The following SMCHD1 variants were observed in gnomAD, a reference collection of about 807,000 sequenced individuals.
SMCHD1 encodes the protein structural maintenance of chromosomes flexible hinge domain containing 1.
Under a neutral mutation model 254.7 loss-of-function variants are expected in SMCHD1, and 78 were observed. That is an observed-to-expected ratio of 0.31 (90% CI 0.26 to 0.37). The LOEUF (loss-of-function observed/expected upper bound fraction) is 0.37, where lower values mean the gene tolerates loss of function less well. SMCHD1 is among the 10% of genes least tolerant of loss of function. The pLI is 1.00. For missense variants in SMCHD1, 1,840 were observed against 2,408.1 expected (o/e 0.76, Z 4.94); for synonymous variants, 766 against 794.9 (o/e 0.96, Z 0.61).
chr18:2,785,275 AAC>A (rs1289624769), intron 45 of SMCHD1, among the ~76,000 whole-genome samples: 1 of 152,220 alleles, frequency 6.6e-6, no homozygotes, highest in African/African-American at 2.4e-5. Flanking sequence ...CTACTTTCCT[AAC>A]ACAGAGCAGT....
intron 17 of SMCHD1, among the ~76,000 whole-genome samples, chr18:2,708,907 T>TATATATATAA (rs769432583): frequency 0.036 from 1,588 of 44,602 alleles, 351 homozygotes; most frequent in East Asian, 0.059. Flanking sequence ...TATATATATA[T>TATATATATAA]AACATATTAA....
rs556907581 is a variant in SMCHD1, at chr18:2,714,537, T to G, written c.2261-3621T>G. On this transcript the variant is annotated intron_variant, in intron 17 of 47. Coordinates refer to ENST00000320876, the MANE Select transcript of SMCHD1 (RefSeq NM_015295.3). ...TGTTGTTATCTAGTTGCTTTGTAGA[T>G]CCTTTCTTTTTTTCCCTCCTTTCTG... Among the ~76,000 whole-genome samples the G allele has an allele frequency of 5.9e-5, 9 of 152,226 alleles. No individual in the cohort carries two copies. The East Asian group carries it at 1.7e-3, about 29-fold the overall frequency.
chr18:2,670,940 CTT>C (rs1235079896), intron 3 of SMCHD1, among the ~76,000 whole-genome samples: 9 of 124,454 alleles, frequency 7.2e-5, no homozygotes, highest in Admixed American at 1.6e-4. Context: ...TCTTTTAATT[CTT>C]TTTTTTTTTT....
intron 5 of SMCHD1, among the ~76,000 whole-genome samples, chr18:2,678,662 T>G (rs1411333550): frequency 6.6e-6 from 1 of 152,058 alleles, no homozygotes; most frequent in African/African-American, 2.4e-5. Flanking sequence ...ATTTTCTGTT[T>G]ATTTCTTCAT....
chr18:2,722,014 C>A, intron 19 of SMCHD1, among the ~76,000 whole-genome samples: 1 of 152,112 alleles, frequency 6.6e-6, no homozygotes, highest in East Asian at 1.9e-4. Context: ...TTGAGAACAG[C>A]CAATTTATAG....
At chr18:2,660,271 G>C (rs1306201288) in intron 1 of SMCHD1, among the ~76,000 whole-genome samples, 2 of 152,088 alleles carry the variant, frequency 1.3e-5, no homozygotes, top group Non-Finnish European at 2.9e-5. Context: ...GTTGCAGCGA[G>C]CTGAGAACGC....
intron 7 of SMCHD1, among the ~76,000 whole-genome samples, chr18:2,693,797 A>G (rs1289443138): frequency 2.0e-5 from 3 of 151,970 alleles, no homozygotes; most frequent in Non-Finnish European, 4.4e-5. Flanking sequence ...ACGCCTGGCT[A>G]CTTTTGTATT....
chr18:2,695,680 G>C (rs888112618), intron 8 of SMCHD1, among the ~76,000 whole-genome samples: 1 of 152,006 alleles, frequency 6.6e-6, no homozygotes, highest in Admixed American at 6.6e-5. Context: ...GCATTAGTAT[G>C]AATTACTGAG....
Position 2,787,833 on chromosome 18 carries a change from G to T in SMCHD1, c.5719+3212G>T, listed in dbSNP as rs554016300. 1.8e-3 allele frequency among the ~76,000 whole-genome samples: 274 copies of T among 152,300 alleles called. 1 individual carries two copies. The highest frequency in any genetic ancestry group is 3.3e-3 in the Non-Finnish European group (225 of 68,020). On this transcript the variant is annotated intron_variant, in intron 45 of 47. Transcript: ENST00000320876. Reference sequence around the variant, plus strand: ...TTTGATTGTAAGCAATAGCAGCCATGCATGACTACTTTAAGCCAAACAGGA... The same window carrying T: ...TTTGATTGTAAGCAATAGCAGCCATTCATGACTACTTTAAGCCAAACAGGA...
At chr18:2,704,683 A>G (rs954508584) in intron 13 of SMCHD1, among the ~76,000 whole-genome samples, 4 of 151,786 alleles carry the variant, frequency 2.6e-5, no homozygotes, top group African/African-American at 9.7e-5. Flanking sequence ...TTGGAAAAGA[A>G]GTAACATTTG....
At chr18:2,794,252 C>T (rs1163509692) in intron 45 of SMCHD1, among the ~76,000 whole-genome samples, 2 of 152,130 alleles carry the variant, frequency 1.3e-5, no homozygotes, top group Non-Finnish European at 2.9e-5. Flanking sequence ...CCCAGGAGTT[C>T]AAGACCAGCC....
intron 45 of SMCHD1, among the ~76,000 whole-genome samples, chr18:2,795,492 GTTACAC>G (rs2076246802): frequency 6.6e-6 from 1 of 152,160 alleles, no homozygotes; most frequent in South Asian, 2.1e-4. Flanking sequence ...CTCACTGTCA[GTTACAC>G]TTACACATCT....
chr18:2,700,648 A>G lies in SMCHD1; in HGVS notation c.1452A>G (p.Thr484=). 1 of 1,607,578 alleles carries G rather than the reference A, an allele frequency of 6.2e-7. No homozygotes were observed. Among genetic ancestry groups the G allele is most frequent in the Non-Finnish European group, 8.5e-7 (1 of 1,177,366 alleles). ...GGAATGGACGATTAATACCATATAC[A>G]TCAGTTGAAGAGTAAGTTTGATTTT... The part of the protein sequence containing the change: ...CFWNGRLIPY[T]SVEDFDWCTP... The change falls in exon 11 of 48, where the codon ACA becomes ACG. Residue 484 remains threonine (T), a synonymous_variant. Transcript: ENST00000320876.
At position 2,687,558 on chromosome 18, in the gene SMCHD1, G is replaced by T. The variant is rs141674095; in HGVS notation, c.639-836G>T. Among the ~76,000 whole-genome samples, 6 of 152,014 alleles carry T rather than the reference G, an allele frequency of 3.9e-5. No homozygotes were observed. In the East Asian group the frequency reaches 1.2e-3, roughly 29 times the overall value. On this transcript the variant is annotated intron_variant, in intron 5 of 47. Transcript: ENST00000320876. ...TGATTTCTTTTTATGTATCTTGTTT[G>T]GGCTCTTTTGGTTTTCCTGGATCTG...
At chr18:2,756,523 T>C (rs992101561) in intron 34 of SMCHD1, among the ~76,000 whole-genome samples, 14 of 152,222 alleles carry the variant, frequency 9.2e-5, no homozygotes, top group Non-Finnish European at 1.9e-4. Context: ...GGATTCAGTT[T>C]GTTCAAATTC....
At chr18:2,698,859 T>C (rs941635391) in intron 10 of SMCHD1, among the ~76,000 whole-genome samples, 2 of 152,180 alleles carry the variant, frequency 1.3e-5, no homozygotes, top group Non-Finnish European at 2.9e-5. Context: ...TTTTATTTTT[T>C]TTTAATATGA....
chr18:2,697,895 T>C lies in SMCHD1; in HGVS notation c.1196T>C (p.Met399Thr). 1 of 1,613,698 alleles carries C rather than the reference T, an allele frequency of 6.2e-7. No homozygotes were observed. The highest frequency in any genetic ancestry group is 1.1e-5 in the South Asian group (1 of 91,084). ...AACCTAAGGGAAATACAAGACGACA[T>C]GCAGACGTTGTATGTAAACACAGCA... ...IVNLREIQDD[M>T]QTLYVNTAAD... Residue 399 changes from methionine (M) to threonine (T), a missense_variant, in exon 10 of 48, where the codon ATG becomes ACG. By Grantham distance (81) the Met-to-Thr change is moderately conservative. This residue lies in a region of SMCHD1 where 498 missense variants were observed against 743.5 expected (regional missense o/e 0.67). Transcript: ENST00000320876.
At chr18:2,735,997 A>G (rs914725685) in intron 25 of SMCHD1, among the ~76,000 whole-genome samples, 6 of 152,202 alleles carry the variant, frequency 3.9e-5, no homozygotes, top group African/African-American at 1.4e-4. Flanking sequence ...CACACTACCC[A>G]TCTTCAAACT....
intron 5 of SMCHD1, among the ~76,000 whole-genome samples, chr18:2,675,418 CCATGCCTGG>C (rs1454766267): frequency 1.3e-5 from 2 of 152,006 alleles, no homozygotes; most frequent in African/African-American, 4.8e-5. Context: ...GCACCCACCA[CCATGCCTGG>C]CTATTTTTTG....
Sources: gnomAD v4.1 joint callset for allele counts (sites outside exome capture counted in the v4.1 genomes callset) on GRCh38, gnomAD v4.1.1 for gene constraint, gnomAD v4.1.1 regional missense constraint, MANE v1.5 for transcripts, NCBI Gene and HGNC (gene_info 2026-07-23, HGNC 2026-07-21) for gene names.